The following TRAPPC13 variants were observed in gnomAD, a reference collection of about 807,000 sequenced individuals.
The protein encoded by TRAPPC13 is trafficking protein particle complex subunit 13.
TRAPPC13 carries 39 observed loss-of-function variants against 54.0 expected under a neutral mutation model. The ratio of observed to expected loss-of-function variants is 0.72; its 90% CI spans 0.56 to 0.94. The LOEUF is 0.94. Ranked by LOEUF, TRAPPC13 falls within the 40% of genes least tolerant of loss-of-function variation. The pLI is 0.00. For missense variants in TRAPPC13, 386 were observed against 488.1 expected, an observed-to-expected ratio of 0.79 and a Z score of 1.97; for synonymous variants, 148 against 167.7, an observed-to-expected ratio of 0.88 and a Z score of 0.91.
chr5:65,640,256 G>A lies in TRAPPC13; in HGVS notation c.300+2476G>A, dbSNP rs567713327. On this transcript the variant is annotated intron_variant, in intron 4 of 12. Transcript: ENST00000399438. ...AAAATTACATGAAATTCAAATTTCAGGCCAGGTGTGGTGGCTCCTGCCTAT... is the reference window on the plus strand; with the variant it reads ...AAAATTACATGAAATTCAAATTTCAAGCCAGGTGTGGTGGCTCCTGCCTAT... 1.1e-4 allele frequency among the ~76,000 whole-genome samples: 16 copies of A among 152,288 alleles called. No individual in the cohort carries two copies. In the South Asian group the frequency reaches 1.7e-3, roughly 16 times the overall value.
Position 65,664,520 on chromosome 5 carries a change from G to T in TRAPPC13, c.1163G>T (p.Arg388Ile). 6.2e-7 allele frequency: 1 copy of T among 1,610,808 alleles called. No individual in the cohort carries two copies. The highest frequency in any genetic ancestry group is 1.3e-5 in the African/African-American group (1 of 74,760). The part of the protein sequence containing the change: ...VQGLQSISGL[R>I]LTDTFLKRTY... The stretch of plus-strand genomic sequence containing the variant: ...TCTCAATAGAGCATCTCTGGCTTAA[G>T]ACTAACAGACACATTCTTAAAGAGA... The change falls in exon 13 of 13, where the codon AGA becomes ATA. Residue 388 changes from arginine (R) to isoleucine (I), a missense_variant. Arg to Ile is a moderately conservative substitution (Grantham distance 97). Transcript: ENST00000399438.
At chr5:65,642,935 A>T (rs1756025334) in intron 4 of TRAPPC13, among the ~76,000 whole-genome samples, 1 of 152,244 alleles carries the variant, frequency 6.6e-6, no homozygotes, top group Admixed American at 6.5e-5. Flanking sequence ...GAAAGAGCTG[A>T]TGCCTACTGT....
rs1755806458 is a variant in TRAPPC13 at position 65,637,758 on chromosome 5, T to G, written c.278T>G (p.Val93Gly). ...YISVHNDSNQ[V>G]VKDILVKADL... ...AGCGTTCATAATGATAGCAATCAAGTTGTAAAAGACATATTAGTAAAAGTA... is the reference window on the plus strand; with the variant it reads ...AGCGTTCATAATGATAGCAATCAAGGTGTAAAAGACATATTAGTAAAAGTA... Residue 93 changes from valine (V) to glycine (G), a missense_variant, in exon 4 of 13, where the codon GTT becomes GGT. By Grantham distance (109) the Val-to-Gly change is moderately radical. Transcript: ENST00000399438. The G allele has an allele frequency of 6.4e-7, 1 of 1,573,888 alleles. No homozygotes were observed. Among genetic ancestry groups the G allele is most frequent in the Admixed American group, 1.8e-5 (1 of 54,214 alleles).
intron 1 of TRAPPC13, among the ~76,000 whole-genome samples, chr5:65,627,842 G>C (rs1238509283): frequency 1.3e-5 from 2 of 152,136 alleles, no homozygotes. Flanking sequence ...TTTGAGAGTT[G>C]TCAGATCTGT....
At chr5:65,635,549 C>T (rs1755715684) in intron 2 of TRAPPC13, among the ~76,000 whole-genome samples, 180 bp downstream of exon 2, 1 of 152,204 alleles carries the variant, frequency 6.6e-6, no homozygotes, top group Non-Finnish European at 1.5e-5. Flanking sequence ...TACTTATACT[C>T]TACAAGTCCA....
chr5:65,638,657 G>T (rs1051055578), intron 4 of TRAPPC13, among the ~76,000 whole-genome samples: 7 of 152,174 alleles, frequency 4.6e-5, no homozygotes, highest in African/African-American at 1.7e-4. Flanking sequence ...CAAAGAAAGA[G>T]GTTTAATGGA....
At chr5:65,630,408 A>C (rs1258595207) in intron 1 of TRAPPC13, 2 of 1,402,130 alleles carry the variant, frequency 1.4e-6, no homozygotes, top group Non-Finnish European at 1.8e-6. Context: ...AGATAAAATA[A>C]TTTTTACAGG....
At chr5:65,634,613 G>A (rs572231262) in intron 1 of TRAPPC13, among the ~76,000 whole-genome samples, 34 of 151,808 alleles carry the variant, frequency 2.2e-4, no homozygotes, top group Non-Finnish European at 4.6e-4. Flanking sequence ...ACACTTGGCC[G>A]GGCATGGTGG....
rs1755623023 is a variant in TRAPPC13, at chr5:65,633,444, C to G, written c.47-1857C>G. 2.0e-5 allele frequency among the ~76,000 whole-genome samples: 3 copies of G among 152,158 alleles called. No homozygotes were observed. The South Asian group carries it at 6.2e-4, about 32-fold the overall frequency. On this transcript the variant is annotated intron_variant, in intron 1 of 12. Coordinates refer to ENST00000399438, the MANE Select transcript of TRAPPC13 (RefSeq NM_024941.4). ...TACAGGCGCCCGCCACCATGCTAGG[C>G]TAATTTTTTTTATTTTTAGTAGAGA...
At chr5:65,631,976 T>C (rs962433764) in intron 1 of TRAPPC13, among the ~76,000 whole-genome samples, 3 of 151,954 alleles carry the variant, frequency 2.0e-5, no homozygotes, top group Non-Finnish European at 4.4e-5. Context: ...TATTCAGATT[T>C]GTTTTCTAAT....
At chr5:65,635,011 G>A in intron 1 of TRAPPC13, 1 of 848,050 alleles carries the variant, frequency 1.2e-6, no homozygotes. Context: ...TACTCTTTAA[G>A]CTTTAAAAAT....
intron 9 of TRAPPC13, 116 bp from the exon 10 acceptor site, chr5:65,660,583 G>T: frequency 3.2e-6 from 2 of 633,424 alleles, no homozygotes; most frequent in Non-Finnish European, 4.9e-6. Flanking sequence ...ATGTTCTGTT[G>T]TTGATCTTTG....
intron 7 of TRAPPC13, among the ~76,000 whole-genome samples, chr5:65,654,168 A>T (rs1756569204): frequency 6.6e-6 from 1 of 152,150 alleles, no homozygotes; most frequent in South Asian, 2.1e-4. Context: ...GAATAATTTT[A>T]AAAATTGCTA....
chr5:65,628,347 G>C (rs1356862893), intron 1 of TRAPPC13, among the ~76,000 whole-genome samples: 1 of 152,092 alleles, frequency 6.6e-6, no homozygotes. Context: ...TCTTAGCCTG[G>C]TTAAACCATA....
chr5:65,645,612 G>A (rs949717432), intron 4 of TRAPPC13, among the ~76,000 whole-genome samples: 10 of 152,122 alleles, frequency 6.6e-5, no homozygotes, highest in Non-Finnish European at 1.2e-4. Context: ...AGACCATCCT[G>A]GCTAACACGG....
chr5:65,641,057 C>T (rs574338512), intron 4 of TRAPPC13, among the ~76,000 whole-genome samples: 9 of 152,082 alleles, frequency 5.9e-5, no homozygotes, highest in Admixed American at 5.9e-4. Flanking sequence ...CCTTAGCCTC[C>T]TGAGTAGCTG....
At chr5:65,650,939 T>C (rs1480487996) in intron 6 of TRAPPC13, 57 bp downstream of exon 6, 16 of 1,258,318 alleles carry the variant, frequency 1.3e-5, no homozygotes, top group Admixed American at 1.1e-4. Context: ...CCTGGTAGTA[T>C]ACAGTTATTC....
rs762929434 is a variant in TRAPPC13 at position 65,651,842 on chromosome 5, G to GTTTTTTTTTTTTTT, written c.502-634_502-621dup. Among the ~76,000 whole-genome samples, 11 of 41,160 alleles carry GTTTTTTTTTTTTTT rather than the reference G, an allele frequency of 2.7e-4. 3 individuals are homozygous for GTTTTTTTTTTTTTT. The highest frequency in any genetic ancestry group is 7.4e-4 in the African/African-American group (8 of 10,806). 27.0% of individuals were successfully genotyped at this position (41,160 alleles called of 152,430 possible). A position where few individuals can be genotyped will look rare whatever the true frequency, so the allele number is the denominator to read the frequency against. On this transcript the variant is annotated intron_variant, in intron 6 of 12. Transcript: ENST00000399438. Reference sequence around the variant, plus strand: ...TTGAAAGAAAATAAAACGTGATTCAGTTTTTTTTTTTTTTTTTTTTTTTTT... The same window carrying GTTTTTTTTTTTTTT: ...TTGAAAGAAAATAAAACGTGATTCAGTTTTTTTTTTTTTTTTTTTTTTTTTTTTTTTTTTTTTTT...
chr5:65,633,974 A>G (rs965219956), intron 1 of TRAPPC13, among the ~76,000 whole-genome samples: 1 of 120,048 alleles, frequency 8.3e-6, no homozygotes, highest in Non-Finnish European at 1.7e-5. Flanking sequence ...TATCTCTCCC[A>G]GCGTTTTTTT....
Sources: gnomAD v4.1 joint callset for allele counts (sites outside exome capture counted in the v4.1 genomes callset) on GRCh38, gnomAD v4.1.1 for gene constraint, MANE v1.5 for transcripts, NCBI Gene and HGNC (gene_info 2026-07-23, HGNC 2026-07-21) for gene names.